Variants in NAPB observed in about 807,000 individuals in gnomAD.
The protein encoded by NAPB is NSF attachment protein beta.
NAPB carries 26 observed loss-of-function variants against 44.7 expected under a neutral mutation model. The ratio of observed to expected loss-of-function variants is 0.58; its 90% CI spans 0.43 to 0.81. NAPB has a LOEUF of 0.81. NAPB is among the 30% of genes least tolerant of loss of function. The pLI, the probability that NAPB is intolerant of heterozygous loss-of-function variation, is 0.00. For synonymous variants in NAPB, 120 were observed against 116.8 expected, an observed-to-expected ratio of 1.03 and a Z score of -0.18; for missense variants, 315 against 356.4, an observed-to-expected ratio of 0.88 and a Z score of 0.94.
At chr20:23,399,617 A>C (rs963655743) in intron 2 of NAPB, among the ~76,000 whole-genome samples, 10 of 152,200 alleles carry the variant, frequency 6.6e-5, no homozygotes, top group African/African-American at 2.4e-4. Flanking sequence ...TCAGGGCTAG[A>C]GCTGGAACTG....
intron 1 of NAPB, among the ~76,000 whole-genome samples, chr20:23,403,666 A>G (rs1328860764): frequency 6.6e-6 from 1 of 151,900 alleles, no homozygotes; most frequent in Non-Finnish European, 1.5e-5. Flanking sequence ...TTACAAACTG[A>G]AGATGTTATT....
chr20:23,416,330 C>T (rs1026095956), intron 1 of NAPB, among the ~76,000 whole-genome samples: 2 of 152,184 alleles, frequency 1.3e-5, no homozygotes, highest in Non-Finnish European at 2.9e-5. Context: ...TCATTTGATA[C>T]CAAGCTGTAA....
chr20:23,415,116 TC>T (rs1351167893), intron 1 of NAPB, among the ~76,000 whole-genome samples: 1 of 152,150 alleles, frequency 6.6e-6, no homozygotes, highest in Non-Finnish European at 1.5e-5. Context: ...AATAAATTTT[TC>T]ATCATTTTTA....
At chr20:23,417,589 C>T (rs540725196) in intron 1 of NAPB, among the ~76,000 whole-genome samples, 78 of 152,262 alleles carry the variant, frequency 5.1e-4, no homozygotes, top group African/African-American at 1.8e-3. Flanking sequence ...CTACAAAATT[C>T]CATAGCTCAT....
intron 1 of NAPB, among the ~76,000 whole-genome samples, chr20:23,408,431 AAAT>A (rs1037775419): frequency 7.9e-5 from 12 of 152,260 alleles, no homozygotes; most frequent in African/African-American, 2.4e-4. Flanking sequence ...GTATGCCTCA[AAAT>A]AATAAGCAAA....
chr20:23,385,727 AGAG>A (rs1451442931), intron 7 of NAPB, among the ~76,000 whole-genome samples: 1 of 145,432 alleles, frequency 6.9e-6, no homozygotes, highest in African/African-American at 2.8e-5. Flanking sequence ...AAGAGAAAGA[AGAG>A]AAAGAAGAGA....
Position 23,375,186 on chromosome 20 carries a change from CAA to C in NAPB, c.*2188_*2189del, listed in dbSNP as rs914930415. 2 of 151,920 alleles carry C rather than the reference CAA, an allele frequency of 1.3e-5. No individual in the cohort carries two copies. Among genetic ancestry groups the C allele is most frequent in the African/African-American group, 4.8e-5 (2 of 41,340 alleles). 9.4% of individuals were successfully genotyped at this position (151,920 alleles called of 1,614,324 possible). On this transcript the variant is annotated 3_prime_UTR_variant, in exon 11 of 11. Transcript: ENST00000377026. The stretch of plus-strand genomic sequence containing the variant: ...TTCTTTTCATGTGAAATATTAAAAA[CAA>C]AAATTAATTCTTAACCCCGGAACTG...
At chr20:23,386,687 C>CA (rs1228219511) in intron 7 of NAPB, among the ~76,000 whole-genome samples, 1 of 152,202 alleles carries the variant, frequency 6.6e-6, no homozygotes, top group Non-Finnish European at 1.5e-5. Flanking sequence ...CGCTTATTTT[C>CA]ACTTATTACT....
chr20:23,381,913 T>C (rs761753497), intron 7 of NAPB, among the ~76,000 whole-genome samples: 1 of 152,168 alleles, frequency 6.6e-6, no homozygotes. Flanking sequence ...CTAAAGTCCA[T>C]TCTTGAAAGA....
intron 1 of NAPB, among the ~76,000 whole-genome samples, chr20:23,419,726 A>G (rs1429693822): frequency 6.6e-6 from 1 of 152,260 alleles, no homozygotes; most frequent in African/African-American, 2.4e-5. Flanking sequence ...AACATAATTC[A>G]TAGCTATATC....
At chr20:23,410,208 C>A (rs1985555411) in intron 1 of NAPB, among the ~76,000 whole-genome samples, 1 of 152,168 alleles carries the variant, frequency 6.6e-6, no homozygotes, top group South Asian at 2.1e-4. Flanking sequence ...CACAAACCTA[C>A]CCCTCCACAG....
intron 1 of NAPB, among the ~76,000 whole-genome samples, chr20:23,411,686 G>A (rs1985668443): frequency 1.3e-5 from 2 of 152,052 alleles, no homozygotes; most frequent in African/African-American, 4.8e-5. Flanking sequence ...CGTGCTCACT[G>A]AGAAGCACAT....
In NAPB at chr20:23,397,191, G is replaced by T. The variant is rs1287164428; in HGVS notation, c.179-3C>A. Reference sequence around the variant, plus strand: ...CTGACAAAATGCGTTTCCTGCAGCTGAAGAAGACACTACAATTAAACACAG... The same window carrying T: ...CTGACAAAATGCGTTTCCTGCAGCTTAAGAAGACACTACAATTAAACACAG... On this transcript the variant is annotated splice_polypyrimidine_tract_variant and splice_region_variant and intron_variant, in intron 2 of 10. Transcript: ENST00000377026. 2 of 1,610,202 alleles carry T rather than the reference G, an allele frequency of 1.2e-6. No individual in the cohort carries two copies.
chr20:23,393,020 C>A (rs1000725035), intron 5 of NAPB, among the ~76,000 whole-genome samples: 1 of 152,146 alleles, frequency 6.6e-6, no homozygotes, highest in Non-Finnish European at 1.5e-5. Context: ...AGATGCTCTG[C>A]GCACAGTGCT....
intron 10 of NAPB, chr20:23,379,216 G>GA (rs1392365312): frequency 1.3e-5 from 6 of 444,496 alleles, no homozygotes; most frequent in Admixed American, 7.9e-5. Flanking sequence ...ATTTGCTCCT[G>GA]AACTAGTCTC....
chr20:23,383,995 G>T (rs1277554141), intron 7 of NAPB, among the ~76,000 whole-genome samples: 1 of 152,152 alleles, frequency 6.6e-6, no homozygotes, highest in African/African-American at 2.4e-5. Flanking sequence ...AACCACAAAA[G>T]CTACACAAAG....
intron 7 of NAPB, among the ~76,000 whole-genome samples, chr20:23,383,070 G>A (rs1983156964): frequency 6.7e-6 from 1 of 148,756 alleles, no homozygotes; most frequent in African/African-American, 2.5e-5. Context: ...CAGGAGAATT[G>A]CTTGAACCTG....
At chr20:23,381,008 T>C (rs113273217) in intron 8 of NAPB, 5 of 526,400 alleles carry the variant, frequency 9.5e-6, no homozygotes, top group African/African-American at 5.8e-5. Flanking sequence ...GGTATGGCTA[T>C]AAACTATCAG....
intron 5 of NAPB, among the ~76,000 whole-genome samples, chr20:23,394,561 A>G (rs561313074): frequency 2.2e-4 from 33 of 152,264 alleles, no homozygotes; most frequent in African/African-American, 7.9e-4. Context: ...CAGATACTTA[A>G]AGCTGTGATG....
Sources: allele counts gnomAD v4.1 joint callset (sites outside exome capture counted in the v4.1 genomes callset), GRCh38; gene constraint gnomAD v4.1.1; transcripts MANE v1.5; gene names NCBI Gene and HGNC (gene_info 2026-07-23, HGNC 2026-07-21).